The following ANKRD28 variants were observed in gnomAD, a reference collection of about 807,000 sequenced individuals.
ANKRD28 encodes ankyrin repeat domain 28.
A neutral mutation model predicts 126.5 loss-of-function variants in ANKRD28; 44 were observed. The observed-to-expected ratio is 0.35, with a 90% CI of 0.27 to 0.45. The LOEUF is 0.45. Among genes scored for constraint, ANKRD28 ranks in the 20% least tolerant of loss-of-function variants. The probability of loss-of-function intolerance (pLI) is 1.00; values close to 1 mark genes in which losing one functional copy is unlikely to be tolerated. For synonymous variants in ANKRD28, 442 were observed against 468.5 expected (o/e 0.94, Z 0.73); for missense variants, 1,110 against 1,316.6 (o/e 0.84, Z 2.43).
At chr3:15,714,740 C>T in intron 8 of ANKRD28, 84 bp from the exon 9 acceptor site, 1 of 880,050 alleles carries the variant, frequency 1.1e-6, no homozygotes, top group Non-Finnish European at 1.6e-6. Flanking sequence ...CCTCTTGCAT[C>T]TTTATTTTTA....
intron 1 of ANKRD28, among the ~76,000 whole-genome samples, chr3:15,850,210 T>A (rs1440319379): frequency 3.0e-3 from 187 of 61,496 alleles, no homozygotes; most frequent in African/African-American, 8.1e-3. Context: ...AAAAAATATA[T>A]ATATATATAT....
Position 15,843,494 on chromosome 3 carries a change from C to CA in ANKRD28, c.27+15882dup, listed in dbSNP as rs1462903676. Among the ~76,000 whole-genome samples the CA allele has an allele frequency of 4.0e-5, 6 of 148,862 alleles. No homozygotes were observed. Among genetic ancestry groups the CA allele is most frequent in the Admixed American group, 6.7e-5 (1 of 15,024 alleles). ...ATATGTAGTGGCAGGAGGAGAAGTACAAAAAAAATGAAAAATAAGAGATAA... is the reference window on the plus strand; with the variant it reads ...ATATGTAGTGGCAGGAGGAGAAGTACAAAAAAAAATGAAAAATAAGAGATAA... On this transcript the variant is annotated intron_variant, in intron 1 of 27. Coordinates refer to the ANKRD28 transcript ENST00000399451. The surrounding 1 kb of genome is among the most constrained non-coding windows in gnomAD (Gnocchi z 5.2).
intron 1 of ANKRD28, among the ~76,000 whole-genome samples, chr3:15,810,104 T>C (rs534783500): frequency 3.8e-4 from 58 of 152,264 alleles, no homozygotes; most frequent in South Asian, 1.7e-3. Context: ...CAAAAAGTTA[T>C]AAAATAAGAC....
At chr3:15,709,616 T>C in intron 13 of ANKRD28, 52 bp downstream of exon 13, 1 of 1,279,026 alleles carries the variant, frequency 7.8e-7, no homozygotes, top group East Asian at 2.5e-5. Context: ...AGAAGGTCAA[T>C]CAAGTTATTA....
At position 15,832,734 on chromosome 3, in the gene ANKRD28, G is replaced by A. The variant is rs1022597845; in HGVS notation, c.27+26643C>T. On this transcript the variant is annotated intron_variant, in intron 1 of 27. Transcript: ENST00000399451. ...TGACTATGTTTCCAAGTTATTTCAC[G>A]GAGGATAATGGGCTCCAATTCCATC... Among the ~76,000 whole-genome samples, 7 of 152,222 alleles carry A rather than the reference G, an allele frequency of 4.6e-5. No individual in the cohort carries two copies. In the South Asian group the frequency reaches 6.2e-4, roughly 14 times the overall value.
chr3:15,706,184 G>A (rs148029560), intron 14 of ANKRD28, among the ~76,000 whole-genome samples: 25 of 151,982 alleles, frequency 1.6e-4, no homozygotes, highest in Admixed American at 5.9e-4. Context: ...TTGGTGTGCT[G>A]CACCCATTAA....
At chr3:15,824,816 G>C (rs2061023489) in intron 1 of ANKRD28, among the ~76,000 whole-genome samples, 1 of 152,210 alleles carries the variant, frequency 6.6e-6, no homozygotes, top group African/African-American at 2.4e-5. Context: ...TAAACTCATT[G>C]GTAAAAGGCA....
Position 15,707,916 on chromosome 3 carries a change from G to T in ANKRD28, c.1547+8C>A, listed in dbSNP as rs2071677580. 6.2e-7 allele frequency: 1 copy of T among 1,611,926 alleles called. No homozygotes were observed. Among genetic ancestry groups the T allele is most frequent in the African/African-American group, 1.3e-5 (1 of 74,882 alleles). ...TTGATCCTCCACTCTCACTCCTATG[G>T]TACTTACTTGCCATCTGTGTCTGAT... On this transcript the variant is annotated splice_region_variant and intron_variant, in intron 14 of 27. Coordinates refer to ENST00000683139, the MANE Select transcript of ANKRD28 (RefSeq NM_001349278.2).
intron 2 of ANKRD28, among the ~76,000 whole-genome samples, chr3:15,794,321 A>G (rs1332008701): frequency 1.0e-5 from 1 of 96,074 alleles, no homozygotes; most frequent in African/African-American, 2.9e-5. Context: ...TCACAGCAGT[A>G]TTATATTAAA....
intron 1 of ANKRD28, among the ~76,000 whole-genome samples, chr3:15,851,106 T>C (rs903080044): frequency 2.0e-5 from 3 of 152,204 alleles, no homozygotes; most frequent in Non-Finnish European, 4.4e-5. Context: ...TGTCAGATTA[T>C]AGTAAGAGAA....
chr3:15,723,192 T>G (rs9859387), intron 7 of ANKRD28, among the ~76,000 whole-genome samples: 3,801 of 152,276 alleles, frequency 0.025, 170 homozygotes, highest in African/African-American at 0.084. Flanking sequence ...GAATTGAGAT[T>G]TTTGCAACGT....
At chr3:15,781,553 A>G (rs776945594) in intron 2 of ANKRD28, 1 of 152,142 alleles carries the variant, frequency 6.6e-6, no homozygotes, top group South Asian at 2.1e-4. Flanking sequence ...ATTAATAATA[A>G]AAAGTAGAGG....
intron 2 of ANKRD28, among the ~76,000 whole-genome samples, chr3:15,776,373 A>C (rs1185426665): frequency 6.6e-6 from 1 of 152,246 alleles, no homozygotes; most frequent in Non-Finnish European, 1.5e-5. Flanking sequence ...AAACAACCCA[A>C]TTATCCATCA....
chr3:15,703,650 C>T (rs934729768), intron 14 of ANKRD28, among the ~76,000 whole-genome samples: 2 of 152,146 alleles, frequency 1.3e-5, no homozygotes, highest in Non-Finnish European at 2.9e-5. Flanking sequence ...GTTTATAAGC[C>T]ACCCAGTTTT....
intron 1 of ANKRD28, among the ~76,000 whole-genome samples, chr3:15,850,090 G>C (rs2061605109): frequency 6.6e-6 from 1 of 150,794 alleles, no homozygotes; most frequent in African/African-American, 2.4e-5. Flanking sequence ...CCCACATTTA[G>C]AGTCAACTGA....
In ANKRD28 at chr3:15,821,977, C is replaced by T. The variant is rs569863648; in HGVS notation, c.28-26671G>A. On this transcript the variant is annotated intron_variant, in intron 1 of 27. Transcript: ENST00000399451. ...TCTCTCATCTGTGTGTAACAGGTAA[C>T]AACTGGGGCAAACAATAAACATCTA... 5.3e-5 allele frequency among the ~76,000 whole-genome samples: 8 copies of T among 152,196 alleles called. No homozygotes were observed. In the South Asian group the frequency reaches 6.2e-4, roughly 12 times the overall value.
chr3:15,839,803 CAT>C lies in ANKRD28; in HGVS notation c.27+19572_27+19573del, dbSNP rs745588943. Among the ~76,000 whole-genome samples the C allele has an allele frequency of 3.3e-5, 5 of 152,258 alleles. No individual in the cohort carries two copies. Among genetic ancestry groups the C allele is most frequent in the East Asian group, 1.9e-4 (1 of 5,182 alleles). ...TCAACAAAATGAAGGACAAAAACCA[CAT>C]AGTCATGTCAACTGATGCTGAAAAA... On this transcript the variant is annotated intron_variant, in intron 1 of 27. Transcript: ENST00000399451. The surrounding 1 kb of genome is among the most constrained non-coding windows in gnomAD (Gnocchi z 4.3).
At chr3:15,825,144 T>C (rs1215441409) in intron 1 of ANKRD28, among the ~76,000 whole-genome samples, 3 of 152,168 alleles carry the variant, frequency 2.0e-5, no homozygotes, top group Non-Finnish European at 2.9e-5. Context: ...CAGAATCTCT[T>C]TTTATGGAAT....
In ANKRD28 at chr3:15,804,223, TAA is replaced by T. The variant is rs1491503111; in HGVS notation, c.28-8919_28-8918del. Among the ~76,000 whole-genome samples, 100 of 144,496 alleles carry T rather than the reference TAA, an allele frequency of 6.9e-4. 7 individuals are homozygous for T. The highest frequency in any genetic ancestry group is 9.7e-4 in the Non-Finnish European group (65 of 66,812). 94.8% of individuals were successfully genotyped at this position (144,496 alleles called of 152,430 possible). On this transcript the variant is annotated intron_variant, in intron 1 of 27. Coordinates refer to the ANKRD28 transcript ENST00000399451. ...ACGTAAAAATCTAACCAGTACAAGA[TAA>T]AAGACAGTAAAAGACAGTATATACT...
Sources: gnomAD v4.1 joint callset for allele counts (sites outside exome capture counted in the v4.1 genomes callset) on GRCh38, gnomAD v4.1.1 for gene constraint, Gnocchi (gnomAD v3.1) non-coding constraint, MANE v1.5 for transcripts, NCBI Gene and HGNC (gene_info 2026-07-23, HGNC 2026-07-21) for gene names.